Variants in PRIM2 observed in about 807,000 individuals in gnomAD.
PRIM2 encodes the protein DNA primase subunit 2.
A neutral mutation model predicts 67.3 loss-of-function variants in PRIM2; 39 were observed. That is an observed-to-expected ratio of 0.58 (90% CI 0.45 to 0.76). The LOEUF is 0.76. PRIM2 is among the 30% of genes least tolerant of loss of function. The pLI, the probability that PRIM2 is intolerant of heterozygous loss-of-function variation, is 0.00. For synonymous variants in PRIM2, 143 were observed against 198.7 expected, an observed-to-expected ratio of 0.72 and a Z score of 2.36; for missense variants, 398 against 598.7, an observed-to-expected ratio of 0.66 and a Z score of 3.50.
At chr6:57,275,496 C>G in the PRIM2 span, among the ~76,000 whole-genome samples, 1 of 152,098 alleles carries the variant, frequency 6.6e-6, no homozygotes, top group East Asian at 1.9e-4. Context: ...TTCAAAAAAA[C>G]AAACAAATAA....
intron 8 of PRIM2, among the ~76,000 whole-genome samples, chr6:57,507,851 A>G: frequency 1.5e-5 from 1 of 68,810 alleles, no homozygotes; most frequent in Non-Finnish European, 3.1e-5. Context: ...TATTTAAAAA[A>G]TAAAGTTAGA....
At chr6:57,292,433 A>T in the PRIM2 span, among the ~76,000 whole-genome samples, 2 of 152,182 alleles carry the variant, frequency 1.3e-5, no homozygotes, top group Non-Finnish European at 2.9e-5. Flanking sequence ...AAGGTAATTT[A>T]TAGATTCAAT....
chr6:57,258,227 C>T, the PRIM2 span, among the ~76,000 whole-genome samples: 1 of 151,986 alleles, frequency 6.6e-6, no homozygotes, highest in South Asian at 2.1e-4. Flanking sequence ...GAGGTAGAGA[C>T]GTGAAGATTT....
At chr6:57,516,909 G>A (rs1262374421) in intron 8 of PRIM2, among the ~76,000 whole-genome samples, 1 of 152,144 alleles carries the variant, frequency 6.6e-6, no homozygotes, top group African/African-American at 2.4e-5. Flanking sequence ...TGGCATAGTG[G>A]AGGTATGTGA....
the PRIM2 span, among the ~76,000 whole-genome samples, chr6:57,255,237 A>G: frequency 6.6e-6 from 1 of 152,090 alleles, no homozygotes; most frequent in African/African-American, 2.4e-5. Context: ...GGTGGTGCAC[A>G]CCTGTAATCC....
intron 7 of PRIM2, among the ~76,000 whole-genome samples, chr6:57,476,745 T>A (rs1320984204): frequency 6.6e-6 from 1 of 152,146 alleles, no homozygotes; most frequent in East Asian, 1.9e-4. Context: ...TGATTATTTT[T>A]ATATTTATTT....
intron 5 of PRIM2, among the ~76,000 whole-genome samples, chr6:57,379,623 A>G (rs1375627356): frequency 6.6e-6 from 1 of 152,114 alleles, no homozygotes; most frequent in Non-Finnish European, 1.5e-5. Context: ...CCTTTTTCTC[A>G]TTAAAATATT....
the PRIM2 span, among the ~76,000 whole-genome samples, chr6:57,229,495 T>A: frequency 1.1e-4 from 16 of 151,066 alleles, no homozygotes; most frequent in South Asian, 1.0e-3. Flanking sequence ...TTTATTTATT[T>A]TTTTTTTTTT....
intron 5 of PRIM2, among the ~76,000 whole-genome samples, chr6:57,331,813 G>A (rs1310979104): frequency 6.6e-5 from 10 of 151,714 alleles, no homozygotes; most frequent in Admixed American, 4.6e-4. Context: ...TCTAGGTAGA[G>A]GTTTGTCAGT....
At chr6:57,571,468 G>A (rs1775861261) in intron 10 of PRIM2, among the ~76,000 whole-genome samples, 1 of 152,048 alleles carries the variant, frequency 6.6e-6, no homozygotes, top group African/African-American at 2.4e-5. Context: ...TGGCCAACAT[G>A]GTGAGACCCA....
At chr6:57,543,414 T>C (rs1161200292) in intron 10 of PRIM2, among the ~76,000 whole-genome samples, 1 of 152,168 alleles carries the variant, frequency 6.6e-6, no homozygotes, top group African/African-American at 2.4e-5. Context: ...AACTGGAATT[T>C]TTCTGTACTA....
the PRIM2 span, among the ~76,000 whole-genome samples, chr6:57,307,238 AT>A: frequency 3.0e-5 from 4 of 133,134 alleles, no homozygotes; most frequent in Non-Finnish European, 4.7e-5. Context: ...AAATAAAAAA[AT>A]AAATGCTAAT....
In PRIM2 at chr6:57,403,414, A is replaced by G. The variant is rs145415673; in HGVS notation, c.693+21246A>G. 5.1e-4 allele frequency among the ~76,000 whole-genome samples: 77 copies of G among 150,424 alleles called. 1 individual carries two copies. The highest frequency in any genetic ancestry group is 1.7e-3 in the African/African-American group (70 of 41,054). On this transcript the variant is annotated intron_variant, in intron 7 of 13. Coordinates refer to ENST00000615550, the MANE Select transcript of PRIM2 (RefSeq NM_000947.5). ...TGGGACTACAGGCGCCTGCCATCAC[A>G]CCCGGCTAATTTTTTTTTTTGTATT...
chr6:57,423,034 T>A (rs923399360), intron 7 of PRIM2, among the ~76,000 whole-genome samples: 1 of 152,220 alleles, frequency 6.6e-6, no homozygotes. Flanking sequence ...GTAACACAAA[T>A]GGCTGATTTT....
Position 57,507,124 on chromosome 6 carries a change from C to G in PRIM2, c.694-263C>G, listed in dbSNP as rs1446241658. ...CTTTTTCATGAACTCAGGACACTCC[C>G]TTTTACTCTCTGTTTTGCTCACCTT... On this transcript the variant is annotated intron_variant, in intron 7 of 13. Transcript: ENST00000615550. Among the ~76,000 whole-genome samples the G allele has an allele frequency of 3.9e-5, 6 of 151,996 alleles. No individual in the cohort carries two copies. The East Asian group carries it at 9.7e-4, about 24-fold the overall frequency.
chr6:57,627,629 C>T (rs1164697339), intron 12 of PRIM2, among the ~76,000 whole-genome samples: 53 of 152,000 alleles, frequency 3.5e-4, no homozygotes, highest in Admixed American at 2.4e-3. Flanking sequence ...CCTCATGATC[C>T]GCCTGCCTTG....
intron 12 of PRIM2, among the ~76,000 whole-genome samples, chr6:57,617,139 G>A (rs1285144376): frequency 7.9e-5 from 12 of 152,270 alleles, no homozygotes; most frequent in Admixed American, 2.6e-4. Flanking sequence ...CTGTTCCCAC[G>A]TTTTTCCCAG....
At chr6:57,296,948 T>A in the PRIM2 span, among the ~76,000 whole-genome samples, 1 of 152,042 alleles carries the variant, frequency 6.6e-6, no homozygotes, top group Non-Finnish European at 1.5e-5. Context: ...GAACTCCCAG[T>A]AGTAAAATTG....
At chr6:57,579,919 T>C (rs1776050335) in intron 10 of PRIM2, among the ~76,000 whole-genome samples, 2 of 152,170 alleles carry the variant, frequency 1.3e-5, no homozygotes, top group Non-Finnish European at 2.9e-5. Flanking sequence ...TTTTTATATG[T>C]GATAAAAGGT....
Sources: allele counts gnomAD v4.1 joint callset (sites outside exome capture counted in the v4.1 genomes callset), GRCh38; gene constraint gnomAD v4.1.1; transcripts MANE v1.5; gene names NCBI Gene and HGNC (gene_info 2026-07-23, HGNC 2026-07-21).